COL2A1: variants seen among roughly 807,000 people sequenced by gnomAD.
The protein encoded by COL2A1 is collagen alpha-1(II) chain.
In COL2A1, 28 loss-of-function variants were observed where a neutral mutation model predicts 204.5. The ratio of observed to expected loss-of-function variants is 0.14; its 90% CI spans 0.10 to 0.19. The LOEUF is 0.19. COL2A1 is among the 10% of genes least tolerant of loss of function. The pLI is 1.00. For missense variants in COL2A1, 1,388 were observed against 2,027.5 expected, an observed-to-expected ratio of 0.68 and a Z score of 6.06; for synonymous variants, 708 against 718.7, an observed-to-expected ratio of 0.99 and a Z score of 0.24.
At chr12:47,989,880 A>G (rs1290616931) in intron 16 of COL2A1, 75 bp from the exon 17 acceptor site, 33 of 1,414,974 alleles carry the variant, frequency 2.3e-5, no homozygotes, top group Non-Finnish European at 3.2e-5. Context: ...CCACCCTTAC[A>G]GAAAACGAAG....
chr12:47,987,012 A>AAG lies in COL2A1; in HGVS notation c.1365+64_1365+65dup. 1 of 1,583,308 alleles carries AAG rather than the reference A, an allele frequency of 6.3e-7. No individual in the cohort carries two copies. The highest frequency in any genetic ancestry group is 1.7e-5 in the Admixed American group (1 of 59,984). On this transcript the variant is annotated intron_variant, in intron 21 of 53. Coordinates refer to ENST00000380518, the MANE Select transcript of COL2A1 (RefSeq NM_001844.5). This position sits in a 1 kb window ranked among gnomAD's most constrained non-coding sequence, Gnocchi z 4.1. ...GAGGCCAGGGCAGGAGAGCATGGGA[A>AAG]AGAGGGGTGATGGGGTTTGACTCCA...
At chr12:47,984,926 T>C in intron 27 of COL2A1, 69 bp downstream of exon 27, 2 of 1,358,606 alleles carry the variant, frequency 1.5e-6, no homozygotes, top group Non-Finnish European at 2.1e-6. Context: ...GACCCAGCCC[T>C]TTCCCCAAGA....
At chr12:47,984,656 C>A (rs1020115915) in intron 27 of COL2A1, 57 bp from the exon 28 acceptor site, 1 of 1,541,380 alleles carries the variant, frequency 6.5e-7, no homozygotes, top group African/African-American at 1.4e-5. Context: ...GAGTTGGGGG[C>A]AGAGCGGGCT....
intron 2 of COL2A1, among the ~76,000 whole-genome samples, chr12:47,999,228 C>A (rs866537893): frequency 1.3e-5 from 2 of 152,220 alleles, no homozygotes; most frequent in African/African-American, 4.8e-5. Context: ...GGGTCACCTG[C>A]ACATATATCA....
intron 7 of COL2A1, among the ~76,000 whole-genome samples, 175 bp from the exon 8 acceptor site, chr12:47,996,800 G>C (rs1171300472): frequency 1.3e-5 from 2 of 152,240 alleles, no homozygotes; most frequent in African/African-American, 4.8e-5. Flanking sequence ...TTTGGGAATG[G>C]ATTATTAGAT....
chr12:47,997,333 A>C (rs995709844), intron 7 of COL2A1, among the ~76,000 whole-genome samples: 3 of 152,206 alleles, frequency 2.0e-5, no homozygotes, highest in Admixed American at 6.5e-5. Context: ...CCCACCCCCC[A>C]GCATCAACTA....
chr12:47,995,682 G>A, intron 10 of COL2A1, 28 bp downstream of exon 10: 1 of 1,611,194 alleles, frequency 6.2e-7, no homozygotes, highest in Non-Finnish European at 8.5e-7. Context: ...CTCCCCCAGA[G>A]AAGGGACAGG....
chr12:47,989,676 C>T (rs1339349279), intron 17 of COL2A1, 85 bp downstream of exon 17: 1 of 1,195,312 alleles, frequency 8.4e-7, no homozygotes, highest in African/African-American at 1.5e-5. Flanking sequence ...TGGTTGCACC[C>T]AATACACCCT....
Position 47,987,357 on chromosome 12 carries a change from C to G in COL2A1, c.1222-44G>C. ...TCAAATAAGCAGCAAAGAATGAACC[C>G]CAACCACCTCCAGCCCTCCAGGATC... On this transcript the variant is annotated intron_variant, in intron 19 of 53. Transcript: ENST00000380518. The surrounding 1 kb of genome is among the most constrained non-coding windows in gnomAD (Gnocchi z 4.1). 6.2e-7 allele frequency: 1 copy of G among 1,602,096 alleles called. No homozygotes were observed.
intron 41 of COL2A1, among the ~76,000 whole-genome samples, chr12:47,979,213 A>G (rs182521881): frequency 1.3e-5 from 2 of 152,244 alleles, no homozygotes; most frequent in African/African-American, 4.8e-5. Flanking sequence ...TTTAAAGCAC[A>G]CAGACAAGTG....
chr12:47,976,499 C>T lies in COL2A1; in HGVS notation c.3489+15G>A. On this transcript the variant is annotated intron_variant, in intron 49 of 53. Transcript: ENST00000380518. The surrounding 1 kb of genome is among the most constrained non-coding windows in gnomAD (Gnocchi z 4.3). The stretch of plus-strand genomic sequence containing the variant: ...CTGAAGGGCCCCCTCCATCTTCCAA[C>T]TCCATGTCACTTACTCTAGGGCCAG... 2 of 1,614,084 alleles carry T rather than the reference C, an allele frequency of 1.2e-6. No homozygotes were observed. The highest frequency in any genetic ancestry group is 1.7e-6 in the Non-Finnish European group (2 of 1,179,944).
rs1424758506 is a variant in COL2A1, at chr12:47,973,249, GA to G, written c.*157del. The G allele has an allele frequency of 2.2e-6, 2 of 906,872 alleles. No individual in the cohort carries two copies. The highest frequency in any genetic ancestry group is 3.3e-5 in the African/African-American group (2 of 61,254). The allele number at this position is 906,872 out of a possible 1,614,324, so 56.2% of individuals were successfully genotyped here. A position where few individuals can be genotyped will look rare whatever the true frequency, so the allele number is the denominator to read the frequency against. ...CAGTCTGCCCAGTTCAGGTCTCTTA[GA>G]AAGAGAGGGGAGAAAAGTCCGAACT... On this transcript the variant is annotated 3_prime_UTR_variant, in exon 54 of 54. Coordinates refer to ENST00000380518, the MANE Select transcript of COL2A1 (RefSeq NM_001844.5).
At chr12:47,984,653 G>A (rs1939288349) in intron 27 of COL2A1, 54 bp from the exon 28 acceptor site, 1 of 1,542,984 alleles carries the variant, frequency 6.5e-7, no homozygotes, top group Non-Finnish European at 9.0e-7. Flanking sequence ...AGGGAGTTGG[G>A]GGCAGAGCGG....
At chr12:47,998,539 A>C in intron 2 of COL2A1, 108 bp from the exon 3 acceptor site, 2 of 1,217,388 alleles carry the variant, frequency 1.6e-6, no homozygotes, top group Non-Finnish European at 2.4e-6. Context: ...AAAGGACACA[A>C]TCAAGGAAGG....
chr12:48,005,718 T>G (rs1022886284), upstream of COL2A1: 1 of 152,144 alleles, frequency 6.6e-6, no homozygotes, highest in African/African-American at 2.4e-5. Flanking sequence ...AGCGATATGG[T>G]CCCCCAAAGA....
intron 22 of COL2A1, 113 bp from the exon 23 acceptor site, chr12:47,986,556 G>GC (rs1349373705): frequency 2.2e-5 from 17 of 765,378 alleles, no homozygotes; most frequent in Admixed American, 4.4e-5. Context: ...GCTGGGGGGG[G>GC]GCTTGAGGAC....
At chr12:47,992,809 A>T in intron 16 of COL2A1, 69 bp downstream of exon 16, 1 of 1,526,474 alleles carries the variant, frequency 6.6e-7, no homozygotes, top group Non-Finnish European at 9.1e-7. Flanking sequence ...TTCGAGGGTC[A>T]AGAGAAACAA....
intron 23 of COL2A1, 76 bp downstream of exon 23, chr12:47,986,260 A>C (rs938988202): frequency 9.8e-7 from 1 of 1,015,722 alleles, no homozygotes; most frequent in Admixed American, 2.0e-5. Flanking sequence ...ACTTGACCAG[A>C]ACACGGACCA....
In COL2A1 at chr12:47,985,071, C is replaced by T. The variant is rs371440147; in HGVS notation, c.1757G>A (p.Arg586His). 30 of 1,613,686 alleles carry T rather than the reference C, an allele frequency of 1.9e-5. No individual in the cohort carries two copies. The highest frequency in any genetic ancestry group is 1.2e-4 in the African/African-American group (9 of 75,024). Residue 586 changes from arginine to histidine, a missense_variant, in exon 27 of 54, where the codon CGT (arginine) becomes CAT (histidine). Arg to His is a conservative substitution (Grantham distance 29). Transcript: ENST00000380518. Reference protein sequence around the residue: ...GPSGAPGEDGRPGPPGPQGAR... With the variant: ...GPSGAPGEDGHPGPPGPQGAR... Reference sequence around the variant, plus strand: ...CCCCTGAGGACCTGGAGGTCCAGGACGACCATCTTCACCAGGGGCTCCCTG... The same window carrying T: ...CCCCTGAGGACCTGGAGGTCCAGGATGACCATCTTCACCAGGGGCTCCCTG...
Sources: gnomAD v4.1 joint callset for allele counts (sites outside exome capture counted in the v4.1 genomes callset) on GRCh38, gnomAD v4.1.1 for gene constraint, Gnocchi (gnomAD v3.1) non-coding constraint, MANE v1.5 for transcripts, NCBI Gene and HGNC (gene_info 2026-07-23, HGNC 2026-07-21) for gene names.